Variants in CCDC88C observed in about 807,000 individuals in gnomAD.
CCDC88C encodes coiled-coil and HOOK domain protein 88C, also known as protein Daple.
CCDC88C carries 131 observed loss-of-function variants against 198.8 expected under a neutral mutation model. The observed-to-expected ratio is 0.66, with a 90% CI of 0.57 to 0.76. CCDC88C has a LOEUF of 0.76. CCDC88C is among the 30% of genes least tolerant of loss of function. CCDC88C has a pLI of 0.00. For synonymous variants in CCDC88C, 1,166 were observed against 1,114.7 expected, an observed-to-expected ratio of 1.05 and a Z score of -0.92; for missense variants, 2,553 against 2,631.6, an observed-to-expected ratio of 0.97 and a Z score of 0.65.
intron 20 of CCDC88C, 43 bp from the exon 21 acceptor site, chr14:91,300,113 C>T: frequency 1.3e-6 from 2 of 1,588,188 alleles, no homozygotes; most frequent in Non-Finnish European, 8.6e-7. Context: ...CCAGGGCCTT[C>T]TTTTCCGACA....
rs1487308669 is a variant in CCDC88C at position 91,278,061 on chromosome 14, G to A, written c.4919C>T (p.Pro1640Leu). Reference sequence around the variant, plus strand: ...CTTCTGGGCACCCTCCTGTGGGAGAGGCCCGTTCCGAGGCAAGGGGTACTC... The same window carrying A: ...CTTCTGGGCACCCTCCTGTGGGAGAAGCCCGTTCCGAGGCAAGGGGTACTC... ...RHEYPLPRNG[P>L]LPQEGAQKRG... Residue 1640 changes from proline to leucine, a missense_variant, in exon 29 of 30, where the codon CCT (proline) becomes CTT (leucine). Around this residue, in one of 2 missense-constraint regions of CCDC88C, gnomAD observed 1,293 missense variants for 1,219.6 expected, o/e 1.06. Transcript: ENST00000389857. The A allele has an allele frequency of 6.2e-7, 1 of 1,611,172 alleles. No homozygotes were observed. Among genetic ancestry groups the A allele is most frequent in the Admixed American group, 1.7e-5 (1 of 59,656 alleles).
At chr14:91,340,594 G>A (rs751459338) in intron 6 of CCDC88C, among the ~76,000 whole-genome samples, 1 of 152,048 alleles carries the variant, frequency 6.6e-6, no homozygotes, top group Non-Finnish European at 1.5e-5. Flanking sequence ...CTCTGTCTAC[G>A]TGAAACAGCC....
Position 91,342,468 on chromosome 14 carries a change from G to C in CCDC88C, c.400-5C>G. On this transcript the variant is annotated splice_polypyrimidine_tract_variant and splice_region_variant and intron_variant, in intron 5 of 29. Transcript: ENST00000389857. ...GAACTCCTCTTTCCTCTCACACTGC[G>C]GAGGGTTACATGTGTTAATGGAAGC... is the stretch of plus-strand genomic sequence containing the variant. 6.4e-7 allele frequency: 1 copy of C among 1,567,836 alleles called. No homozygotes were observed. The highest frequency in any genetic ancestry group is 8.7e-7 in the Non-Finnish European group (1 of 1,150,246).
At chr14:91,340,697 A>G (rs1384014873) in intron 6 of CCDC88C, among the ~76,000 whole-genome samples, 1 of 152,202 alleles carries the variant, frequency 6.6e-6, no homozygotes, top group Non-Finnish European at 1.5e-5. Context: ...CATAGTGCTC[A>G]GGCCTCAAAA....
At chr14:91,370,364 G>A (rs1197755032) in intron 3 of CCDC88C, among the ~76,000 whole-genome samples, 1 of 152,202 alleles carries the variant, frequency 6.6e-6, no homozygotes, top group Non-Finnish European at 1.5e-5. Flanking sequence ...AAGTGCCCAC[G>A]CGTCCAGAAG....
chr14:91,413,860 A>AT (rs1886915224), intron 2 of CCDC88C, among the ~76,000 whole-genome samples: 1 of 152,206 alleles, frequency 6.6e-6, no homozygotes, highest in Admixed American at 6.5e-5. Context: ...GCTCAACGCG[A>AT]TTTCTTCAGG....
At position 91,288,696 on chromosome 14, in the gene CCDC88C, A is replaced by G. The variant is rs1890525254; in HGVS notation, c.4441+409T>C. ...GGCGGGTGGATCACTTGACGTTAGG[A>G]GTTCGAGACCAGCCTGGCCAACATG... On this transcript the variant is annotated intron_variant, in intron 25 of 29. Transcript: ENST00000389857. This position sits in a 1 kb window ranked among gnomAD's most constrained non-coding sequence, Gnocchi z 4.2. The G allele has an allele frequency of 6.3e-6, 1 of 159,034 alleles. No individual in the cohort carries two copies. The highest frequency in any genetic ancestry group is 6.1e-5 in the Admixed American group (1 of 16,282). The allele number at this position is 159,034 out of a possible 1,614,324, so 9.9% of individuals were successfully genotyped here.
At position 91,352,069 on chromosome 14, in the gene CCDC88C, C is replaced by T. The variant is rs930868278; in HGVS notation, c.340+7573G>A. On this transcript the variant is annotated intron_variant, in intron 4 of 29. Coordinates refer to ENST00000389857, the MANE Select transcript of CCDC88C (RefSeq NM_001080414.4). This position sits in a 1 kb window ranked among gnomAD's most constrained non-coding sequence, Gnocchi z 4.2. Reference sequence around the variant, plus strand: ...GCGAGGAGCTAGGGCAGGCAGGGGACGCTCTGGGAAAGGGTCCCTCCCAAC... The same window carrying T: ...GCGAGGAGCTAGGGCAGGCAGGGGATGCTCTGGGAAAGGGTCCCTCCCAAC... Among the ~76,000 whole-genome samples, 1 of 152,194 alleles carries T rather than the reference C, an allele frequency of 6.6e-6. No individual in the cohort carries two copies. Among genetic ancestry groups the T allele is most frequent in the Non-Finnish European group, 1.5e-5 (1 of 68,036 alleles).
chr14:91,355,008 C>T (rs900706003), intron 4 of CCDC88C, among the ~76,000 whole-genome samples: 14 of 152,162 alleles, frequency 9.2e-5, no homozygotes, highest in African/African-American at 3.1e-4. Context: ...TTACACAGCT[C>T]GCTGGCAGAG....
At chr14:91,291,687 A>C (rs1555415736) in intron 23 of CCDC88C, among the ~76,000 whole-genome samples, 1 of 152,102 alleles carries the variant, frequency 6.6e-6, no homozygotes, top group Non-Finnish European at 1.5e-5. Flanking sequence ...CCCTGCTGCC[A>C]CAGGGGAATG....
At position 91,273,129 on chromosome 14, in the gene CCDC88C, G is replaced by A; in HGVS notation, c.5583C>T (p.Thr1861=). ...AGCTGCCAGCCTTTCCCACAAGTGG[G>A]GTCCGCTCCCGGGCCAGGCTATGGG... is the stretch of plus-strand genomic sequence containing the variant. ...PSSHSLARER[T]PLVGKAGSSC... Residue 1861 remains threonine, a synonymous_variant, in exon 30 of 30, where the codon ACC becomes ACT. Transcript: ENST00000389857. The surrounding 1 kb of genome is among the most constrained non-coding windows in gnomAD (Gnocchi z 5.6). 6.3e-7 allele frequency: 1 copy of A among 1,576,074 alleles called. No individual in the cohort carries two copies. Among genetic ancestry groups the A allele is most frequent in the Non-Finnish European group, 8.6e-7 (1 of 1,161,342 alleles).
intron 22 of CCDC88C, among the ~76,000 whole-genome samples, chr14:91,294,524 T>C (rs994649920): frequency 6.6e-5 from 10 of 152,238 alleles, no homozygotes; most frequent in Non-Finnish European, 1.5e-4. Context: ...AATCCAGATG[T>C]CCCTGGCAAC....
chr14:91,416,856 A>C lies in CCDC88C; in HGVS notation c.61-18T>G. The C allele has an allele frequency of 6.3e-7, 1 of 1,580,472 alleles. No individual in the cohort carries two copies. ...GTTTTCACCTGCGGGGAGGGGGACG[A>C]GGAGAGAAAGACAGGAAGTCACCCC... On this transcript the variant is annotated intron_variant, in intron 1 of 29. Transcript: ENST00000389857.
intron 3 of CCDC88C, among the ~76,000 whole-genome samples, chr14:91,365,851 G>A (rs868617228): frequency 6.6e-6 from 1 of 152,104 alleles, no homozygotes. Flanking sequence ...GCTGGGGAAC[G>A]GTTCAGGACG....
intron 4 of CCDC88C, among the ~76,000 whole-genome samples, chr14:91,356,059 A>AC (rs1440455520): frequency 6.6e-6 from 1 of 152,090 alleles, no homozygotes; most frequent in Non-Finnish European, 1.5e-5. Flanking sequence ...CACATGCCCC[A>AC]CCCCGGGCAA....
Position 91,339,756 on chromosome 14 carries a change from C to A in CCDC88C, c.624+128G>T. 1 of 1,176,554 alleles carries A rather than the reference C, an allele frequency of 8.5e-7. No homozygotes were observed. Among genetic ancestry groups the A allele is most frequent in the Non-Finnish European group, 1.2e-6 (1 of 862,104 alleles). The allele number at this position is 1,176,554 out of a possible 1,614,324, so 72.9% of individuals were successfully genotyped here. On this transcript the variant is annotated intron_variant, in intron 7 of 29. Coordinates refer to ENST00000389857, the MANE Select transcript of CCDC88C (RefSeq NM_001080414.4). The surrounding 1 kb of genome is among the most constrained non-coding windows in gnomAD (Gnocchi z 5.8). ...GCAGGGGCCGTAACCAGGGAAAGCA[C>A]GCACGTCCCACCCCCACCAGAACCT...
At position 91,272,527 on chromosome 14, in the gene CCDC88C, A is replaced by G; in HGVS notation, c.*98T>C. ...CGTGGGAACCCCTTTCCTCATTCCA[A>G]ACCCTCTCCTGGCACCGCAGGCAAG... On this transcript the variant is annotated 3_prime_UTR_variant, in exon 30 of 30. Coordinates refer to ENST00000389857, the MANE Select transcript of CCDC88C (RefSeq NM_001080414.4). The G allele has an allele frequency of 1.5e-6, 2 of 1,309,106 alleles. No homozygotes were observed. The highest frequency in any genetic ancestry group is 2.1e-6 in the Non-Finnish European group (2 of 951,084). The allele number at this position is 1,309,106 out of a possible 1,614,324, so 81.1% of individuals were successfully genotyped here. A position where few individuals can be genotyped will look rare whatever the true frequency, so the allele number is the denominator to read the frequency against.
At chr14:91,394,443 A>C (rs889988346) in intron 3 of CCDC88C, among the ~76,000 whole-genome samples, 1 of 152,210 alleles carries the variant, frequency 6.6e-6, no homozygotes, top group Non-Finnish European at 1.5e-5. Flanking sequence ...ACAGTCTAGA[A>C]AGGGCAGCAG....
chr14:91,273,057 G>A lies in CCDC88C; in HGVS notation c.5655C>T (p.Arg1885=), dbSNP rs1290895998. The A allele has an allele frequency of 6.4e-7, 1 of 1,557,142 alleles. No individual in the cohort carries two copies. The highest frequency in any genetic ancestry group is 8.7e-7 in the Non-Finnish European group (1 of 1,152,342). The change falls in exon 30 of 30, where the codon CGC becomes CGT. Residue 1885 remains arginine (R), a synonymous_variant. Transcript: ENST00000389857. This position sits in a 1 kb window ranked among gnomAD's most constrained non-coding sequence, Gnocchi z 5.6. ...CCTCCTTTGGGGGAGCCAGGGAGAA[G>A]CGCCTCGTGTCCAGCGGCCGGCTGC... is the stretch of plus-strand genomic sequence containing the variant. The part of the protein sequence containing the change: ...GPRSRPLDTR[R]FSLAPPKEER...
Sources: allele counts gnomAD v4.1 joint callset (sites outside exome capture counted in the v4.1 genomes callset), GRCh38; gene constraint gnomAD v4.1.1; regional missense constraint gnomAD v4.1.1; non-coding constraint Gnocchi (gnomAD v3.1); transcripts MANE v1.5; gene names NCBI Gene and HGNC (gene_info 2026-07-23, HGNC 2026-07-21).